TRAF3: variants seen among roughly 807,000 people sequenced by gnomAD.
TRAF3 encodes TNF receptor associated factor 3.
A neutral mutation model predicts 62.3 loss-of-function variants in TRAF3; 13 were observed. That is an observed-to-expected ratio of 0.21 (90% confidence interval 0.14 to 0.33). The LOEUF is 0.33. Among genes scored for constraint, TRAF3 ranks in the 10% least tolerant of loss-of-function variants. The probability of loss-of-function intolerance (pLI) is 1.00; values close to 1 mark genes in which losing one functional copy is unlikely to be tolerated. For missense variants in TRAF3, 440 were observed against 741.8 expected (o/e 0.59, Z 4.73); for synonymous variants, 269 against 283.4 (o/e 0.95, Z 0.51).
intron 6 of TRAF3, among the ~76,000 whole-genome samples, chr14:102,877,297 A>G (rs1304762622): frequency 6.9e-6 from 1 of 145,178 alleles, no homozygotes; most frequent in Admixed American, 6.9e-5. Context: ...TCCATTCCAC[A>G]GGCCTTCCGC....
chr14:102,795,616 G>GTGTGTGTGTGTGTA (rs1374495391), intron 1 of TRAF3, among the ~76,000 whole-genome samples: 77 of 151,866 alleles, frequency 5.1e-4, no homozygotes, highest in Admixed American at 1.4e-3. Flanking sequence ...GTGTGTGTGT[G>GTGTGTGTGTGTGTA]TGTGCATAGT....
chr14:102,903,828 C>T lies in TRAF3; in HGVS notation c.1135+399C>T, dbSNP rs1174720790. Reference sequence around the variant, plus strand: ...GGGCCAGGGGGCAGCAGTCCCACCGCGCTCTGCCAGCATGTTTCTGATCCA... The same window carrying T: ...GGGCCAGGGGGCAGCAGTCCCACCGTGCTCTGCCAGCATGTTTCTGATCCA... On this transcript the variant is annotated intron_variant, in intron 11 of 11. Transcript: ENST00000392745. The surrounding 1 kb of genome is among the most constrained non-coding windows in gnomAD (Gnocchi z 6.4). The T allele has an allele frequency of 8.6e-5, 40 of 466,046 alleles. No individual in the cohort carries two copies. The highest frequency in any genetic ancestry group is 4.7e-4 in the Admixed American group (20 of 42,676). 28.9% of individuals were successfully genotyped at this position (466,046 alleles called of 1,614,324 possible). A position where few individuals can be genotyped will look rare whatever the true frequency, so the allele number is the denominator to read the frequency against.
At position 102,905,906 on chromosome 14, in the gene TRAF3, G is replaced by C. The variant is rs560945756; in HGVS notation, c.*122G>C. 5 of 929,658 alleles carry C rather than the reference G, an allele frequency of 5.4e-6. No homozygotes were observed. The highest frequency in any genetic ancestry group is 3.1e-4 in the Middle Eastern group (1 of 3,192). The allele number at this position is 929,658 out of a possible 1,614,324, so 57.6% of individuals were successfully genotyped here. On this transcript the variant is annotated 3_prime_UTR_variant, in exon 12 of 12. Coordinates refer to ENST00000392745, the MANE Select transcript of TRAF3 (RefSeq NM_145725.3). ...TTGTGAGACGGAGGAAGCGGCAGAA[G>C]GCGGACGCGTGCCGGCGGGAGGAGC...
intron 1 of TRAF3, among the ~76,000 whole-genome samples, chr14:102,788,839 A>T (rs1897638118): frequency 6.6e-6 from 1 of 151,868 alleles, no homozygotes; most frequent in South Asian, 2.1e-4. Context: ...CAGTGGCTTG[A>T]GCCTGTATGT....
In TRAF3 at chr14:102,903,169, C is replaced by T. The variant is rs1208415583; in HGVS notation, c.961-86C>T. 4.4e-6 allele frequency: 7 copies of T among 1,594,600 alleles called. No individual in the cohort carries two copies. Among genetic ancestry groups the T allele is most frequent in the Admixed American group, 1.7e-5 (1 of 59,904 alleles). ...ACAGGGGCCTCTGACTGTTCTGCTC[C>T]TAGCCTGTCTGTATTTGATGGAAGG... On this transcript the variant is annotated intron_variant, in intron 10 of 11. Coordinates refer to ENST00000392745, the MANE Select transcript of TRAF3 (RefSeq NM_145725.3). The surrounding 1 kb of genome is among the most constrained non-coding windows in gnomAD (Gnocchi z 6.4).
rs116458799 is a variant in TRAF3, at chr14:102,823,660, G to A, written c.-156-6674G>A. Among the ~76,000 whole-genome samples the A allele has an allele frequency of 4.6e-3, 705 of 152,268 alleles. 6 individuals are homozygous for A. Among genetic ancestry groups the A allele is most frequent in the African/African-American group, 0.016 (651 of 41,542 alleles). On this transcript the variant is annotated intron_variant, in intron 1 of 11. Transcript: ENST00000392745. ...TTCTTGTTGTTTTTTAATTGATTGG[G>A]TGACCTGCATCTCATTAAGTGGTGT...
chr14:102,868,686 A>G (rs1888150952), intron 2 of TRAF3, among the ~76,000 whole-genome samples: 1 of 152,212 alleles, frequency 6.6e-6, no homozygotes, highest in African/African-American at 2.4e-5. Flanking sequence ...TTATACCACC[A>G]TCTGGAAACA....
At chr14:102,836,152 A>G (rs931099647) in intron 2 of TRAF3, among the ~76,000 whole-genome samples, 1 of 152,208 alleles carries the variant, frequency 6.6e-6, no homozygotes. Flanking sequence ...GCCGTGTGCA[A>G]GGTGTACTGC....
At chr14:102,805,964 G>C (rs1898746606) in intron 1 of TRAF3, among the ~76,000 whole-genome samples, 1 of 141,886 alleles carries the variant, frequency 7.0e-6, no homozygotes, top group African/African-American at 2.6e-5. Flanking sequence ...TAGTTACATG[G>C]AAAGACCACT....
At chr14:102,861,565 T>G (rs1045602892) in intron 2 of TRAF3, among the ~76,000 whole-genome samples, 18 of 152,214 alleles carry the variant, frequency 1.2e-4, no homozygotes, top group African/African-American at 4.3e-4. Context: ...CAATCAGTGC[T>G]GCAGTCTATT....
chr14:102,848,854 C>T (rs1263555498), intron 2 of TRAF3, among the ~76,000 whole-genome samples: 1 of 152,202 alleles, frequency 6.6e-6, no homozygotes, highest in Non-Finnish European at 1.5e-5. Flanking sequence ...GGCTCGATCG[C>T]TTTCTGGCTC....
rs1017716248 is a variant in TRAF3, at chr14:102,826,494, G to A, written c.-156-3840G>A. The stretch of plus-strand genomic sequence containing the variant: ...TCAGGGAAAGGGCCTTGCTGCCAGG[G>A]GTGGGAAGGGAGTCAGTGAAGACGT... On this transcript the variant is annotated intron_variant, in intron 1 of 11. Transcript: ENST00000392745. This position sits in a 1 kb window ranked among gnomAD's most constrained non-coding sequence, Gnocchi z 4.6. 6.6e-6 allele frequency among the ~76,000 whole-genome samples: 1 copy of A among 152,148 alleles called. No individual in the cohort carries two copies. The highest frequency in any genetic ancestry group is 2.4e-5 in the African/African-American group (1 of 41,426).
At chr14:102,834,406 G>A (rs887276750) in intron 2 of TRAF3, among the ~76,000 whole-genome samples, 3 of 151,966 alleles carry the variant, frequency 2.0e-5, no homozygotes, top group African/African-American at 4.8e-5. Context: ...GATTGAAATT[G>A]GACCCCTTCC....
intron 2 of TRAF3, among the ~76,000 whole-genome samples, chr14:102,835,559 C>T (rs897213616): frequency 6.6e-6 from 1 of 152,208 alleles, no homozygotes; most frequent in Non-Finnish European, 1.5e-5. Context: ...TCATGGGGTA[C>T]GATGTAACTG....
chr14:102,855,547 G>T (rs927616122), intron 2 of TRAF3, among the ~76,000 whole-genome samples: 3 of 152,084 alleles, frequency 2.0e-5, no homozygotes, highest in African/African-American at 7.2e-5. Context: ...TGTAATCCCA[G>T]CACTTTGGGA....
intron 2 of TRAF3, among the ~76,000 whole-genome samples, chr14:102,856,477 T>C (rs571802787): frequency 4.6e-4 from 70 of 152,108 alleles, no homozygotes; most frequent in Non-Finnish European, 8.5e-4. Flanking sequence ...ATAATTAGAG[T>C]ATAATGAATA....
At chr14:102,828,319 C>T (rs1263168181) in intron 1 of TRAF3, among the ~76,000 whole-genome samples, 3 of 152,220 alleles carry the variant, frequency 2.0e-5, no homozygotes, top group Non-Finnish European at 2.9e-5. Flanking sequence ...GGAAACAACT[C>T]GTGGTGAAGC....
chr14:102,794,818 A>G (rs900061249), intron 1 of TRAF3, among the ~76,000 whole-genome samples: 34 of 152,186 alleles, frequency 2.2e-4, no homozygotes, highest in African/African-American at 7.0e-4. Context: ...GAGTATACCT[A>G]TTCATAAAAT....
At chr14:102,882,571 T>TC (rs1467500143) in intron 6 of TRAF3, among the ~76,000 whole-genome samples, 9 of 150,930 alleles carry the variant, frequency 6.0e-5, no homozygotes, top group African/African-American at 2.2e-4. Context: ...TATTTTGTTT[T>TC]TTTTTTTTTT....
Sources: allele counts gnomAD v4.1 joint callset (sites outside exome capture counted in the v4.1 genomes callset), GRCh38; gene constraint gnomAD v4.1.1; non-coding constraint Gnocchi (gnomAD v3.1); transcripts MANE v1.5; gene names NCBI Gene and HGNC (gene_info 2026-07-23, HGNC 2026-07-21).